BTRC: variants seen among roughly 807,000 people sequenced by gnomAD.
The protein encoded by BTRC is beta-transducin repeat containing E3 ubiquitin protein ligase, also known as F-box/WD repeat-containing protein 1A.
Under a neutral mutation model 85.5 loss-of-function variants are expected in BTRC, and 42 were observed. That is an observed-to-expected ratio of 0.49 (90% CI 0.38 to 0.64). BTRC has a LOEUF of 0.64. Among genes scored for constraint, BTRC ranks in the 30% least tolerant of loss-of-function variants. The pLI, the probability that BTRC is intolerant of heterozygous loss-of-function variation, is 0.00. For synonymous variants in BTRC, 255 were observed against 263.3 expected, an observed-to-expected ratio of 0.97 and a Z score of 0.30; for missense variants, 594 against 743.5, an observed-to-expected ratio of 0.80 and a Z score of 2.34.
intron 13 of BTRC, among the ~76,000 whole-genome samples, chr10:101,541,847 T>G (rs369532778): frequency 6.6e-6 from 1 of 152,162 alleles, no homozygotes; most frequent in Admixed American, 6.5e-5. Flanking sequence ...TTTTTAAGGA[T>G]TTTTGTGTGT....
chr10:101,354,781 G>A (rs1052836764), intron 1 of BTRC, among the ~76,000 whole-genome samples: 1 of 152,094 alleles, frequency 6.6e-6, no homozygotes. Context: ...AGAATGAGGA[G>A]GGAGGATAGC....
chr10:101,511,522 C>T (rs2061953532), intron 4 of BTRC, among the ~76,000 whole-genome samples: 1 of 151,958 alleles, frequency 6.6e-6, no homozygotes. Context: ...CCACCATGCC[C>T]AGCTAATTTT....
intron 4 of BTRC, among the ~76,000 whole-genome samples, chr10:101,506,504 G>A (rs1946544968): frequency 1.3e-5 from 2 of 152,194 alleles, no homozygotes; most frequent in Admixed American, 1.3e-4. Flanking sequence ...TCTTGGGGGT[G>A]GGGAGGACAG....
At chr10:101,412,153 G>C (rs1161571616) in intron 1 of BTRC, among the ~76,000 whole-genome samples, 1 of 152,220 alleles carries the variant, frequency 6.6e-6, no homozygotes, top group East Asian at 1.9e-4. Flanking sequence ...GAATTTCACT[G>C]TATGTATACA....
In BTRC at chr10:101,501,277, A is replaced by T. The variant is rs184080602; in HGVS notation, c.325-20362A>T. Among the ~76,000 whole-genome samples the T allele has an allele frequency of 2.1e-3, 319 of 152,288 alleles. 3 individuals carry two copies. Among genetic ancestry groups the T allele is most frequent in the African/African-American group, 7.1e-3 (297 of 41,550 alleles). ...AGAATGAATCTCTATTTTTAAATTT[A>T]TGTACGCAATTTTATTTTAACTTAC... On this transcript the variant is annotated intron_variant, in intron 4 of 14. Coordinates refer to ENST00000370187, the MANE Select transcript of BTRC (RefSeq NM_033637.4).
At chr10:101,488,440 C>T (rs1433200058) in intron 4 of BTRC, among the ~76,000 whole-genome samples, 2 of 152,096 alleles carry the variant, frequency 1.3e-5, no homozygotes, top group Non-Finnish European at 2.9e-5. Context: ...AAAATCTAGG[C>T]ATTAACTGAG....
chr10:101,354,327 C>A, intron 1 of BTRC, 99 bp downstream of exon 1: 1 of 1,341,622 alleles, frequency 7.5e-7, no homozygotes, highest in Non-Finnish European at 1.0e-6. Context: ...GCAGCGGGAC[C>A]CTGGGCCGAG....
intron 1 of BTRC, among the ~76,000 whole-genome samples, chr10:101,385,616 T>A (rs895107162): frequency 2.4e-5 from 1 of 41,340 alleles, no homozygotes; most frequent in Non-Finnish European, 4.2e-5. Flanking sequence ...TTTCTTCTTC[T>A]TCTTTTTTTT....
At position 101,366,896 on chromosome 10, in the gene BTRC, ATT is replaced by A. The variant is rs1402230911; in HGVS notation, c.48+12670_48+12671del. Among the ~76,000 whole-genome samples, 8 of 40,768 alleles carry A rather than the reference ATT, an allele frequency of 2.0e-4. 1 individual carries two copies. The highest frequency in any genetic ancestry group is 3.8e-4 in the Non-Finnish European group (8 of 21,288). 26.7% of individuals were successfully genotyped at this position (40,768 alleles called of 152,430 possible). A position where few individuals can be genotyped will look rare whatever the true frequency, so the allele number is the denominator to read the frequency against. ...TATATATTTATATATATTTATATAT[ATT>A]TATATATATTAATATATATTTATAT... On this transcript the variant is annotated intron_variant, in intron 1 of 14. Transcript: ENST00000370187.
chr10:101,380,097 A>G (rs1476908412), intron 1 of BTRC, among the ~76,000 whole-genome samples: 1 of 152,112 alleles, frequency 6.6e-6, no homozygotes, highest in Non-Finnish European at 1.5e-5. Context: ...ATTAGTTTAG[A>G]TTGGTAGGTA....
chr10:101,486,788 A>G (rs1343910186), intron 4 of BTRC, among the ~76,000 whole-genome samples: 1 of 152,198 alleles, frequency 6.6e-6, no homozygotes, highest in Non-Finnish European at 1.5e-5. Context: ...AACATGAAAT[A>G]TATATTCTTT....
At chr10:101,404,671 C>T (rs942596520) in intron 1 of BTRC, among the ~76,000 whole-genome samples, 8 of 152,212 alleles carry the variant, frequency 5.3e-5, no homozygotes, top group African/African-American at 1.9e-4. Flanking sequence ...ATTGTGGAAT[C>T]TGGATGATAG....
chr10:101,387,043 A>G (rs993329037), intron 1 of BTRC, among the ~76,000 whole-genome samples: 1 of 152,176 alleles, frequency 6.6e-6, no homozygotes, highest in Non-Finnish European at 1.5e-5. Context: ...TGCATTCTCC[A>G]TCAATCTGCA....
intron 14 of BTRC, chr10:101,551,176 G>T (rs113484245): frequency 4.8e-5 from 12 of 248,844 alleles, no homozygotes; most frequent in African/African-American, 2.4e-4. Flanking sequence ...AATAAAATGA[G>T]ATTTGAATCA....
chr10:101,374,198 A>G (rs953950916), intron 1 of BTRC, among the ~76,000 whole-genome samples: 6 of 151,874 alleles, frequency 4.0e-5, no homozygotes, highest in African/African-American at 4.8e-5. Context: ...AAGTGTTCCT[A>G]TTTCTCCACA....
At chr10:101,431,644 T>C (rs975213019) in intron 2 of BTRC, among the ~76,000 whole-genome samples, 1 of 152,218 alleles carries the variant, frequency 6.6e-6, no homozygotes, top group Non-Finnish European at 1.5e-5. Flanking sequence ...GTTGTTCATA[T>C]CTATTTAGAA....
intron 13 of BTRC, among the ~76,000 whole-genome samples, chr10:101,545,705 A>G (rs1022597010): frequency 6.6e-6 from 1 of 152,154 alleles, no homozygotes; most frequent in African/African-American, 2.4e-5. Context: ...TAGTCTCCAG[A>G]CTGTAGGGAA....
chr10:101,429,792 A>G (rs1589456123), intron 1 of BTRC, among the ~76,000 whole-genome samples: 1 of 151,272 alleles, frequency 6.6e-6, no homozygotes, highest in Non-Finnish European at 1.5e-5. Flanking sequence ...AACAAGATAC[A>G]TAAAACATAC....
chr10:101,555,344 T>A lies in BTRC; in HGVS notation c.*2221T>A, dbSNP rs2062711195. ...TGGTGCCCAGGGTTTTGCTCTCCAA[T>A]CTAGGTTCAGTTGAAGGAATATTGT... On this transcript the variant is annotated 3_prime_UTR_variant, in exon 15 of 15. Coordinates refer to ENST00000370187, the MANE Select transcript of BTRC (RefSeq NM_033637.4). 1 of 152,660 alleles carries A rather than the reference T, an allele frequency of 6.6e-6. No individual in the cohort carries two copies. Among genetic ancestry groups the A allele is most frequent in the Admixed American group, 6.5e-5 (1 of 15,278 alleles). 9.5% of individuals were successfully genotyped at this position (152,660 alleles called of 1,614,324 possible). A position where few individuals can be genotyped will look rare whatever the true frequency, so the allele number is the denominator to read the frequency against.
Sources: allele counts gnomAD v4.1 joint callset (sites outside exome capture counted in the v4.1 genomes callset), GRCh38; gene constraint gnomAD v4.1.1; transcripts MANE v1.5; gene names NCBI Gene and HGNC (gene_info 2026-07-23, HGNC 2026-07-21).